Variants in ASNS observed in about 807,000 individuals in gnomAD.
ASNS encodes asparagine synthetase (glutamine-hydrolyzing).
ASNS carries 37 observed loss-of-function variants against 62.6 expected under a neutral mutation model. The ratio of observed to expected loss-of-function variants is 0.59; its 90% CI spans 0.45 to 0.78. The LOEUF (loss-of-function observed/expected upper bound fraction) is 0.78, where lower values mean the gene tolerates loss of function less well. ASNS is among the 30% of genes least tolerant of loss of function. The pLI is 0.00. For missense variants in ASNS, 520 were observed against 682.4 expected (o/e 0.76, Z 2.65); for synonymous variants, 207 against 237.9 (o/e 0.87, Z 1.19).
intron 1 of ASNS, among the ~76,000 whole-genome samples, chr7:97,870,519 C>A (rs1438269798): frequency 6.6e-6 from 1 of 151,968 alleles, no homozygotes; most frequent in East Asian, 1.9e-4. Flanking sequence ...AAAACCAGAA[C>A]CAAATAATAT....
At chr7:97,854,525 T>C in intron 10 of ASNS, 55 bp downstream of exon 10, 1 of 1,584,912 alleles carries the variant, frequency 6.3e-7, no homozygotes, top group Non-Finnish European at 8.5e-7. Context: ...TTTTGTTTTG[T>C]TTTGTTTTTG....
the ASNS span, among the ~76,000 whole-genome samples, chr7:97,891,053 G>A: frequency 2.0e-5 from 3 of 152,206 alleles, no homozygotes; most frequent in African/African-American, 4.8e-5. Context: ...TGCTGATAAA[G>A]ACATACCTGA....
At chr7:97,887,875 T>C in the ASNS span, among the ~76,000 whole-genome samples, 3 of 152,264 alleles carry the variant, frequency 2.0e-5, no homozygotes, top group African/African-American at 7.2e-5. Context: ...GTTGCCTTTA[T>C]TTATAATGAA....
the ASNS span, among the ~76,000 whole-genome samples, chr7:97,893,116 T>C: frequency 6.6e-6 from 1 of 152,252 alleles, no homozygotes; most frequent in East Asian, 1.9e-4. Context: ...GCAAGTCACA[T>C]CTTACAGGGA....
the ASNS span, among the ~76,000 whole-genome samples, chr7:97,900,295 A>G: frequency 4.7e-5 from 6 of 127,458 alleles, no homozygotes; most frequent in African/African-American, 1.8e-4. Flanking sequence ...CTGGAGGCAG[A>G]GGTTGCAGTG....
chr7:97,922,008 G>A, the ASNS span, among the ~76,000 whole-genome samples: 1 of 152,174 alleles, frequency 6.6e-6, no homozygotes, highest in Non-Finnish European at 1.5e-5. Context: ...ATTATGTTAA[G>A]TGAAATAAGC....
chr7:97,899,365 C>G, the ASNS span, among the ~76,000 whole-genome samples: 1 of 152,136 alleles, frequency 6.6e-6, no homozygotes, highest in Non-Finnish European at 1.5e-5. Context: ...TCAAGAAATC[C>G]TCCCACCACA....
chr7:97,880,641 G>A, the ASNS span, among the ~76,000 whole-genome samples: 136 of 152,150 alleles, frequency 8.9e-4, no homozygotes, highest in African/African-American at 3.1e-3. Context: ...TGGTTACGAG[G>A]GATCCCAGTG....
chr7:97,893,012 A>T, the ASNS span, among the ~76,000 whole-genome samples: 1 of 152,250 alleles, frequency 6.6e-6, no homozygotes, highest in Admixed American at 6.5e-5. Context: ...AGACACATTC[A>T]AGACTGGGAA....
the ASNS span, among the ~76,000 whole-genome samples, chr7:97,879,643 C>A: frequency 1.3e-5 from 2 of 152,152 alleles, no homozygotes; most frequent in African/African-American, 4.8e-5. Context: ...TGCCAACAAC[C>A]AGATGAGAAG....
At chr7:97,903,933 C>T in the ASNS span, among the ~76,000 whole-genome samples, 1 of 152,120 alleles carries the variant, frequency 6.6e-6, no homozygotes, top group Non-Finnish European at 1.5e-5. Flanking sequence ...TGCAGTATCA[C>T]TGTAGCAAGA....
Position 97,852,140 on chromosome 7 carries a change from A to T in ASNS, c.*119T>A. ...ACTACAGCAATGGTTTAGATTTAGG[A>T]CTTTTATTTTTTTCACACCCAAGTT... On this transcript the variant is annotated 3_prime_UTR_variant, in exon 13 of 13. Transcript: ENST00000394308. 1 of 1,086,130 alleles carries T rather than the reference A, an allele frequency of 9.2e-7. No individual in the cohort carries two copies. Among genetic ancestry groups the T allele is most frequent in the Admixed American group, 2.3e-5 (1 of 43,980 alleles). 67.3% of individuals were successfully genotyped at this position (1,086,130 alleles called of 1,614,324 possible). A position where few individuals can be genotyped will look rare whatever the true frequency, so the allele number is the denominator to read the frequency against.
At chr7:97,920,371 C>A in the ASNS span, among the ~76,000 whole-genome samples, 4,204 of 152,068 alleles carry the variant, frequency 0.028, 92 homozygotes, top group Middle Eastern at 0.078. Context: ...CCGTCCTGCC[C>A]CCCTCCAGAG....
At chr7:97,901,669 C>G in the ASNS span, among the ~76,000 whole-genome samples, 1 of 152,184 alleles carries the variant, frequency 6.6e-6, no homozygotes. Flanking sequence ...CAGAGTTTCT[C>G]TATCTCAACT....
chr7:97,856,344 T>C (rs1417940074), intron 8 of ASNS, among the ~76,000 whole-genome samples: 1 of 152,198 alleles, frequency 6.6e-6, no homozygotes, highest in Non-Finnish European at 1.5e-5. Flanking sequence ...TTATCAAAAA[T>C]GCATTACCAA....
intron 4 of ASNS, 30 bp from the exon 5 acceptor site, chr7:97,859,428 A>G: frequency 6.4e-7 from 1 of 1,554,096 alleles, no homozygotes; most frequent in South Asian, 1.2e-5. Context: ...CCTTTATTCA[A>G]ATTAGGTAAC....
the ASNS span, among the ~76,000 whole-genome samples, chr7:97,910,608 C>CTTT: frequency 4.8e-4 from 69 of 144,666 alleles, no homozygotes; most frequent in Admixed American, 6.2e-4. Flanking sequence ...CAGTGAGAGA[C>CTTT]TTTTTTTTTT....
At chr7:97,921,514 A>G in the ASNS span, among the ~76,000 whole-genome samples, 11,928 of 152,076 alleles carry the variant, frequency 0.078, 960 homozygotes, top group African/African-American at 0.21. Flanking sequence ...CTGCTACAGC[A>G]TGATCTCCAA....
chr7:97,905,425 C>A, the ASNS span, among the ~76,000 whole-genome samples: 1 of 152,216 alleles, frequency 6.6e-6, no homozygotes, highest in African/African-American at 2.4e-5. Flanking sequence ...TCTGGTAGTT[C>A]CACTAAATAA....
Sources: allele counts gnomAD v4.1 joint callset (sites outside exome capture counted in the v4.1 genomes callset), GRCh38; gene constraint gnomAD v4.1.1; transcripts MANE v1.5; gene names NCBI Gene and HGNC (gene_info 2026-07-23, HGNC 2026-07-21).